AUTS2: variants seen among roughly 807,000 people sequenced by gnomAD.
AUTS2 encodes the protein autism susceptibility gene 2 protein.
Under a neutral mutation model 112.4 loss-of-function variants are expected in AUTS2, and 17 were observed. The ratio of observed to expected loss-of-function variants is 0.15; its 90% CI spans 0.10 to 0.23. The LOEUF (loss-of-function observed/expected upper bound fraction) is 0.23, where lower values mean the gene tolerates loss of function less well. Ranked by LOEUF, AUTS2 falls within the 10% of genes least tolerant of loss-of-function variation. The pLI, the probability that AUTS2 is intolerant of heterozygous loss-of-function variation, is 1.00. For synonymous variants in AUTS2, 751 were observed against 702.7 expected (o/e 1.07, Z -1.09); for missense variants, 1,510 against 1,701.6 (o/e 0.89, Z 1.98).
chr7:69,846,058 T>A (rs1176362205), intron 1 of AUTS2, among the ~76,000 whole-genome samples: 1 of 152,126 alleles, frequency 6.6e-6, no homozygotes, highest in African/African-American at 2.4e-5. Context: ...CCCTCTTTTC[T>A]CACTCTCAAG....
At chr7:70,190,961 T>A (rs772009980) in intron 4 of AUTS2, among the ~76,000 whole-genome samples, 1 of 152,128 alleles carries the variant, frequency 6.6e-6, no homozygotes, top group Non-Finnish European at 1.5e-5. Flanking sequence ...AACAGTATCT[T>A]ACTGTAAAAA....
intron 5 of AUTS2, among the ~76,000 whole-genome samples, chr7:70,688,608 G>A (rs1349836938): frequency 3.3e-5 from 5 of 151,974 alleles, no homozygotes; most frequent in Non-Finnish European, 4.4e-5. Flanking sequence ...TGGGAGGATC[G>A]CTTGAGGCCA....
At chr7:70,111,204 A>AT (rs1805072655) in intron 2 of AUTS2, among the ~76,000 whole-genome samples, 1 of 152,108 alleles carries the variant, frequency 6.6e-6, no homozygotes, top group Non-Finnish European at 1.5e-5. Flanking sequence ...AAAATCCACC[A>AT]TGGTAAGCAG....
In AUTS2 at chr7:70,534,919, T is replaced by C. The variant is rs151074365; in HGVS notation, c.690+99138T>C. ...GTCACGAACTGGTGAAAAAAAAATG[T>C]ATATTTTTTTGTAATTGTAGGAGGC... is the stretch of plus-strand genomic sequence containing the variant. On this transcript the variant is annotated intron_variant, in intron 5 of 18. Coordinates refer to ENST00000342771, the MANE Select transcript of AUTS2 (RefSeq NM_015570.4). Among the ~76,000 whole-genome samples, 135 of 152,164 alleles carry C rather than the reference T, an allele frequency of 8.9e-4. 1 individual carries two copies. Among genetic ancestry groups the C allele is most frequent in the African/African-American group, 3.0e-3 (124 of 41,478 alleles).
At chr7:69,972,698 T>C (rs999223561) in intron 2 of AUTS2, among the ~76,000 whole-genome samples, 78 of 152,026 alleles carry the variant, frequency 5.1e-4, no homozygotes, top group African/African-American at 1.7e-3. Context: ...TGTGTGTGTG[T>C]GTGCACGTTC....
At chr7:70,002,957 A>C (rs1799265474) in intron 2 of AUTS2, among the ~76,000 whole-genome samples, 1 of 151,666 alleles carries the variant, frequency 6.6e-6, no homozygotes, top group Admixed American at 6.6e-5. Context: ...AGGGATTTTC[A>C]TATAATGTTA....
At chr7:70,543,905 C>T (rs932430336) in intron 5 of AUTS2, among the ~76,000 whole-genome samples, 2 of 152,124 alleles carry the variant, frequency 1.3e-5, no homozygotes, top group Non-Finnish European at 2.9e-5. Flanking sequence ...GAGTCTAGGG[C>T]TTCTTGATTC....
At chr7:70,263,300 A>G (rs1266570042) in intron 4 of AUTS2, among the ~76,000 whole-genome samples, 1 of 152,276 alleles carries the variant, frequency 6.6e-6, no homozygotes, top group East Asian at 1.9e-4. Context: ...ATCTTACGTT[A>G]AGTTTTGTCT....
At chr7:70,374,463 A>T (rs899485859) in intron 4 of AUTS2, among the ~76,000 whole-genome samples, 8 of 152,216 alleles carry the variant, frequency 5.3e-5, no homozygotes, top group Non-Finnish European at 1.5e-5. Flanking sequence ...CAACTCCAGT[A>T]AAAAAGCGGG....
At chr7:69,745,056 T>C (rs535525392) in intron 1 of AUTS2, among the ~76,000 whole-genome samples, 1 of 152,302 alleles carries the variant, frequency 6.6e-6, no homozygotes, top group African/African-American at 2.4e-5. Flanking sequence ...ACATCTCTTC[T>C]TAGTCCCCAT....
At chr7:70,171,222 A>G (rs1323086421) in intron 4 of AUTS2, among the ~76,000 whole-genome samples, 6 of 152,190 alleles carry the variant, frequency 3.9e-5, no homozygotes, top group Admixed American at 2.6e-4. Context: ...GTTGGATTGC[A>G]TGCCATTTTC....
chr7:69,666,012 T>G (rs997987151), intron 1 of AUTS2, among the ~76,000 whole-genome samples: 4 of 152,190 alleles, frequency 2.6e-5, no homozygotes, highest in African/African-American at 7.2e-5. Flanking sequence ...AGCCCTCAAT[T>G]TAATAATACA....
intron 4 of AUTS2, among the ~76,000 whole-genome samples, chr7:70,381,062 AAAT>A (rs1793347160): frequency 6.6e-6 from 1 of 152,228 alleles, no homozygotes. Flanking sequence ...GATACCGTAT[AAAT>A]AATATTTGCT....
chr7:70,304,717 CT>C (rs11464532), intron 4 of AUTS2, among the ~76,000 whole-genome samples: 2,645 of 101,274 alleles, frequency 0.026, 10 homozygotes, highest in South Asian at 0.066. Flanking sequence ...GGATTTTTAA[CT>C]TTTTTTTTTT....
intron 4 of AUTS2, among the ~76,000 whole-genome samples, chr7:70,421,422 C>G (rs1795215986): frequency 6.6e-6 from 1 of 152,030 alleles, no homozygotes; most frequent in Non-Finnish European, 1.5e-5. Flanking sequence ...TGCATTTTAA[C>G]TCTTAATTTT....
intron 6 of AUTS2, among the ~76,000 whole-genome samples, chr7:70,762,634 A>AG (rs1271816779): frequency 6.6e-6 from 1 of 151,966 alleles, no homozygotes. Context: ...CCACACCCCC[A>AG]GGGTCATTGC....
intron 1 of AUTS2, among the ~76,000 whole-genome samples, chr7:69,737,662 G>GA (rs1562848434): frequency 6.6e-6 from 1 of 152,092 alleles, no homozygotes; most frequent in Admixed American, 6.6e-5. Flanking sequence ...GCCACAGGGG[G>GA]ATGTTTGAAA....
At chr7:70,259,301 CT>C (rs899726381) in intron 4 of AUTS2, among the ~76,000 whole-genome samples, 119 of 143,666 alleles carry the variant, frequency 8.3e-4, no homozygotes, top group South Asian at 1.1e-3. Flanking sequence ...TAGAGCTTGG[CT>C]TTTTTTTTTT....
At chr7:69,850,793 A>G (rs542481187) in intron 1 of AUTS2, among the ~76,000 whole-genome samples, 2 of 152,194 alleles carry the variant, frequency 1.3e-5, no homozygotes, top group Non-Finnish European at 2.9e-5. Flanking sequence ...CTCAGTCTGG[A>G]GCTTGGCTTT....
Sources: gnomAD v4.1 joint callset for allele counts (sites outside exome capture counted in the v4.1 genomes callset) on GRCh38, gnomAD v4.1.1 for gene constraint, MANE v1.5 for transcripts, NCBI Gene and HGNC (gene_info 2026-07-23, HGNC 2026-07-21) for gene names.